STK38L: variants seen among roughly 807,000 people sequenced by gnomAD.
STK38L encodes serine/threonine kinase 38 like.
STK38L carries 28 observed loss-of-function variants against 59.7 expected under a neutral mutation model. The ratio of observed to expected loss-of-function variants is 0.47; its 90% CI spans 0.35 to 0.64. The LOEUF is 0.64. STK38L is among the 30% of genes least tolerant of loss of function. The probability of loss-of-function intolerance (pLI) is 0.01; values close to 1 mark genes in which losing one functional copy is unlikely to be tolerated. For missense variants in STK38L, 314 were observed against 555.8 expected (o/e 0.56, Z 4.37); for synonymous variants, 162 against 176.8 (o/e 0.92, Z 0.66).
intron 1 of STK38L, among the ~76,000 whole-genome samples, chr12:27,285,234 A>C (rs1312430133): frequency 6.6e-6 from 1 of 152,222 alleles, no homozygotes; most frequent in African/African-American, 2.4e-5. Flanking sequence ...CAAACAAAAT[A>C]ACACAGCAAT....
At chr12:27,254,044 C>T (rs901234042) in intron 1 of STK38L, among the ~76,000 whole-genome samples, 1 of 152,088 alleles carries the variant, frequency 6.6e-6, no homozygotes, top group African/African-American at 2.4e-5. Flanking sequence ...GTAAAGATAC[C>T]ATCAGCCAGA....
chr12:27,310,734 G>A (rs1374454779), intron 5 of STK38L, among the ~76,000 whole-genome samples: 6 of 152,074 alleles, frequency 3.9e-5, no homozygotes, highest in Non-Finnish European at 7.4e-5. Flanking sequence ...CATCTGTACT[G>A]GACAGCCCTT....
chr12:27,317,929 A>G lies in STK38L; in HGVS notation c.989A>G (p.Glu330Gly), dbSNP rs753220093. ...YPPFCSETPQ[E>G]TYRKVMNWKE... ...CCTTTCTGCTCTGAAACACCTCAAG[A>G]AACGTACAGAAAAGTGATGAACTGG... The change falls in exon 11 of 14, where the codon GAA becomes GGA. Residue 330 changes from glutamate (E) to glycine (G), a missense_variant. This residue lies in a region of STK38L where 28 missense variants were observed against 96.7 expected (regional missense o/e 0.29). Transcript: ENST00000389032. 5.0e-6 allele frequency: 8 copies of G among 1,614,000 alleles called. No individual in the cohort carries two copies. Among genetic ancestry groups the G allele is most frequent in the Non-Finnish European group, 6.8e-6 (8 of 1,179,930 alleles).
At chr12:27,320,004 C>G (rs949908557) in intron 12 of STK38L, among the ~76,000 whole-genome samples, 4 of 152,210 alleles carry the variant, frequency 2.6e-5, no homozygotes, top group Non-Finnish European at 2.9e-5. Context: ...AGTTAAGAAG[C>G]CTTCACTGCT....
At chr12:27,273,545 C>T (rs1017740866) in intron 1 of STK38L, among the ~76,000 whole-genome samples, 6 of 152,118 alleles carry the variant, frequency 3.9e-5, no homozygotes, top group Non-Finnish European at 7.4e-5. Flanking sequence ...AAGTATTAAG[C>T]ATATTACCTA....
chr12:27,276,566 A>ATGGTGAT (rs1317749642), intron 1 of STK38L, among the ~76,000 whole-genome samples: 12 of 152,172 alleles, frequency 7.9e-5, no homozygotes, highest in Admixed American at 6.5e-4. Flanking sequence ...AAGAAAAGCA[A>ATGGTGAT]TGGTGATTAT....
intron 1 of STK38L, among the ~76,000 whole-genome samples, chr12:27,284,848 T>A (rs747415609): frequency 2.6e-5 from 4 of 152,178 alleles, no homozygotes; most frequent in Non-Finnish European, 5.9e-5. Context: ...GCCTCAAAGT[T>A]TTTTGTATTC....
intron 1 of STK38L, among the ~76,000 whole-genome samples, chr12:27,291,971 TTTG>T (rs753928894): frequency 1.1e-4 from 17 of 152,196 alleles, no homozygotes; most frequent in Non-Finnish European, 2.1e-4. Flanking sequence ...GAGTGCCAGA[TTTG>T]TTATCTCCTT....
chr12:27,279,256 G>GAGC (rs1943601559), intron 1 of STK38L, among the ~76,000 whole-genome samples: 1 of 152,186 alleles, frequency 6.6e-6, no homozygotes, highest in South Asian at 2.1e-4. Flanking sequence ...GAAAGTCAAG[G>GAGC]AGCATCTTTT....
chr12:27,267,491 C>T (rs1433232364), intron 1 of STK38L, among the ~76,000 whole-genome samples: 4 of 152,210 alleles, frequency 2.6e-5, no homozygotes, highest in Non-Finnish European at 2.9e-5. Flanking sequence ...GGTGCAGGCT[C>T]GAACTCCTGG....
chr12:27,283,582 C>CA (rs1336892374), intron 1 of STK38L, among the ~76,000 whole-genome samples: 2 of 152,158 alleles, frequency 1.3e-5, no homozygotes, highest in East Asian at 3.8e-4. Flanking sequence ...GTCTCTCACT[C>CA]AACAGTTAAA....
intron 1 of STK38L, chr12:27,297,027 T>C (rs1414628092): frequency 6.6e-6 from 1 of 152,280 alleles, no homozygotes; most frequent in African/African-American, 2.4e-5. Context: ...TTGGTTCCTA[T>C]AGGCATCTGA....
Position 27,317,335 on chromosome 12 carries a change from G to C in STK38L, c.838-1G>C. ...TGGTTTGACGAGTTGCTCCTTTGTA[G>C]GCATATTCCACAGTTGGGACACCAG... is the stretch of plus-strand genomic sequence containing the variant. On this transcript the variant is annotated splice_acceptor_variant, in intron 9 of 13. Transcript: ENST00000389032. LOFTEE classifies it high-confidence loss of function. The C allele has an allele frequency of 6.2e-7, 1 of 1,600,344 alleles. No homozygotes were observed. Among genetic ancestry groups the C allele is most frequent in the South Asian group, 1.1e-5 (1 of 88,454 alleles).
At chr12:27,275,916 A>G (rs1421626670) in intron 1 of STK38L, among the ~76,000 whole-genome samples, 3 of 152,190 alleles carry the variant, frequency 2.0e-5, no homozygotes, top group African/African-American at 7.2e-5. Flanking sequence ...ACTCAAAATC[A>G]AAGAGACCGA....
At chr12:27,258,549 G>A (rs1377130191) in intron 1 of STK38L, among the ~76,000 whole-genome samples, 1 of 152,164 alleles carries the variant, frequency 6.6e-6, no homozygotes, top group Non-Finnish European at 1.5e-5. Context: ...GGCTGGTCTC[G>A]AACTCCTGAC....
At chr12:27,246,382 A>G (rs574614076) in intron 1 of STK38L, among the ~76,000 whole-genome samples, 23 of 152,352 alleles carry the variant, frequency 1.5e-4, no homozygotes, top group Non-Finnish European at 2.4e-4. Flanking sequence ...AATCAGAGCC[A>G]GAAAGATTTG....
chr12:27,310,423 G>A (rs550087544), intron 5 of STK38L, among the ~76,000 whole-genome samples: 1 of 152,256 alleles, frequency 6.6e-6, no homozygotes, highest in African/African-American at 2.4e-5. Context: ...TAGCCATAAT[G>A]GGATTAGTCC....
At chr12:27,286,819 A>G (rs1444343543) in intron 1 of STK38L, among the ~76,000 whole-genome samples, 3 of 152,228 alleles carry the variant, frequency 2.0e-5, no homozygotes, top group Non-Finnish European at 4.4e-5. Flanking sequence ...AAGGCACCTC[A>G]TAACAGACTG....
In STK38L at chr12:27,324,937, T is replaced by C. The variant is rs1944806934; in HGVS notation, c.*2482T>C. The C allele has an allele frequency of 6.6e-6, 1 of 152,130 alleles. No homozygotes were observed. Among genetic ancestry groups the C allele is most frequent in the Non-Finnish European group, 1.5e-5 (1 of 67,968 alleles). The allele number at this position is 152,130 out of a possible 1,614,324, so 9.4% of individuals were successfully genotyped here. A position where few individuals can be genotyped will look rare whatever the true frequency, so the allele number is the denominator to read the frequency against. ...TCAACTGGGCATAATGACATTTTCTTTAAATTAGACTCTATTTTGAATTAA... is the reference window on the plus strand; with the variant it reads ...TCAACTGGGCATAATGACATTTTCTCTAAATTAGACTCTATTTTGAATTAA... On this transcript the variant is annotated 3_prime_UTR_variant, in exon 14 of 14. Transcript: ENST00000389032.
Sources: gnomAD v4.1 joint callset for allele counts (sites outside exome capture counted in the v4.1 genomes callset) on GRCh38, gnomAD v4.1.1 for gene constraint, gnomAD v4.1.1 regional missense constraint, MANE v1.5 for transcripts, NCBI Gene and HGNC (gene_info 2026-07-23, HGNC 2026-07-21) for gene names.